Variants in LARP4B observed in about 807,000 individuals in gnomAD.
LARP4B encodes the protein La ribonucleoprotein 4B.
LARP4B carries 12 observed loss-of-function variants against 89.8 expected under a neutral mutation model. The ratio of observed to expected loss-of-function variants is 0.13; its 90% CI spans 0.09 to 0.22. The LOEUF (loss-of-function observed/expected upper bound fraction) is 0.22. LARP4B is among the 10% of genes least tolerant of loss of function. The pLI is 1.00. For missense variants in LARP4B, 757 were observed against 947.7 expected (o/e 0.80, Z 2.64); for synonymous variants, 367 against 363.3 (o/e 1.01, Z -0.12).
intron 1 of LARP4B, among the ~76,000 whole-genome samples, chr10:913,039 T>C (rs1486830568): frequency 2.6e-5 from 4 of 151,656 alleles, no homozygotes; most frequent in Admixed American, 6.6e-5. Flanking sequence ...CTTTGCTTGA[T>C]GCTTTTCCTG....
At chr10:976,716 G>T in the LARP4B span, among the ~76,000 whole-genome samples, 1 of 146,372 alleles carries the variant, frequency 6.8e-6, no homozygotes, top group Non-Finnish European at 1.5e-5. Context: ...GGCCTGTCAT[G>T]TAATGTGTGG....
At chr10:870,266 T>C (rs1225272110) in intron 3 of LARP4B, among the ~76,000 whole-genome samples, 2 of 152,106 alleles carry the variant, frequency 1.3e-5, no homozygotes, top group East Asian at 1.9e-4. Flanking sequence ...CATCGGGTAA[T>C]AGGAAAATTC....
chr10:837,308 C>T (rs1315013144), intron 7 of LARP4B, among the ~76,000 whole-genome samples: 1 of 152,182 alleles, frequency 6.6e-6, no homozygotes, highest in Non-Finnish European at 1.5e-5. Flanking sequence ...CTGCAAAACA[C>T]TGCCAAAAGA....
In LARP4B at chr10:907,279, A is replaced by T. The variant is rs563165408; in HGVS notation, c.-39-21519T>A. 2.0e-4 allele frequency among the ~76,000 whole-genome samples: 30 copies of T among 152,368 alleles called. No individual in the cohort carries two copies. In the South Asian group the frequency reaches 6.2e-3, roughly 32 times the overall value. On this transcript the variant is annotated intron_variant, in intron 1 of 17. Coordinates refer to ENST00000316157, the MANE Select transcript of LARP4B (RefSeq NM_015155.3). Reference sequence around the variant, plus strand: ...TATCTTGTGGCAACAAATGTGGGAAAAATTAACTAGCATTTAAAATATGAA... The same window carrying T: ...TATCTTGTGGCAACAAATGTGGGAATAATTAACTAGCATTTAAAATATGAA...
the LARP4B span, among the ~76,000 whole-genome samples, chr10:943,780 C>T: frequency 6.6e-6 from 1 of 150,816 alleles, no homozygotes; most frequent in South Asian, 2.1e-4. Flanking sequence ...GGGCCCGGGT[C>T]GGGAGGGCCC....
In LARP4B at chr10:812,949, T is replaced by C. The variant is rs1264856491; in HGVS notation, c.2194A>G (p.Thr732Ala). The C allele has an allele frequency of 7.7e-6, 12 of 1,549,406 alleles. 1 individual carries two copies. In the South Asian group the frequency reaches 9.9e-5, roughly 13 times the overall value. The change falls in exon 18 of 18, where the codon ACT becomes GCT. Residue 732 changes from threonine (T) to alanine (A), a missense_variant. Around this residue, in one of 5 missense-constraint regions of LARP4B, gnomAD observed 387 missense variants for 423.6 expected, o/e 0.91. Transcript: ENST00000316157. ...MGKRLSREQS[T>A]PPKSPQ is the part of the protein sequence containing the mutation. ...TTTCACTGAGGAGACTTGGGGGGAG[T>C]GCTCTGCTCTCGGCTGAGACGCTTC...
intron 1 of LARP4B, among the ~76,000 whole-genome samples, chr10:912,189 G>C (rs959660917): frequency 7.2e-5 from 11 of 152,020 alleles, no homozygotes; most frequent in Non-Finnish European, 1.5e-5. Flanking sequence ...TAAAGATGTA[G>C]ATCAAGGGTG....
At chr10:897,941 T>A (rs573318061) in intron 1 of LARP4B, among the ~76,000 whole-genome samples, 1 of 124,890 alleles carries the variant, frequency 8.0e-6, no homozygotes, top group South Asian at 2.6e-4. Context: ...TGAGCCAAGA[T>A]CACGCCACTG....
At chr10:983,596 G>C in the LARP4B span, among the ~76,000 whole-genome samples, 1 of 152,156 alleles carries the variant, frequency 6.6e-6, no homozygotes, top group Admixed American at 6.5e-5. Flanking sequence ...GGTCGGGGAA[G>C]CCTGGGAGCA....
intron 3 of LARP4B, among the ~76,000 whole-genome samples, chr10:865,335 A>G (rs1003873333): frequency 6.6e-6 from 1 of 152,104 alleles, no homozygotes; most frequent in African/African-American, 2.4e-5. Context: ...TACCAAGCTC[A>G]TCGGCCATCA....
At chr10:823,450 G>C (rs1255264733) in intron 13 of LARP4B, among the ~76,000 whole-genome samples, 1 of 152,178 alleles carries the variant, frequency 6.6e-6, no homozygotes, top group Non-Finnish European at 1.5e-5. Context: ...TCGTCAGCAA[G>C]CTTTGGACTC....
At chr10:838,226 CT>C (rs1833332132) in intron 7 of LARP4B, among the ~76,000 whole-genome samples, 1 of 152,054 alleles carries the variant, frequency 6.6e-6, no homozygotes, top group Admixed American at 6.6e-5. Flanking sequence ...GGCCTTGGGT[CT>C]GACAATAACT....
chr10:985,809 ATCAACGGAGTTCCACAG>A, the LARP4B span: 1 of 152,248 alleles, frequency 6.6e-6, no homozygotes, highest in East Asian at 1.9e-4. Context: ...CCAACATTCA[ATCAACGGAGTTCCACAG>A]TCACTGTGAA....
At chr10:881,661 T>A (rs893652242) in intron 3 of LARP4B, among the ~76,000 whole-genome samples, 1 of 152,218 alleles carries the variant, frequency 6.6e-6, no homozygotes, top group Non-Finnish European at 1.5e-5. Context: ...TCAAAATCAG[T>A]AGATCCTTAT....
Position 829,528 on chromosome 10 carries a change from C to T in LARP4B, c.982G>A (p.Asp328Asn). 2 of 1,614,126 alleles carry T rather than the reference C, an allele frequency of 1.2e-6. No individual in the cohort carries two copies. Among genetic ancestry groups the T allele is most frequent in the Non-Finnish European group, 1.7e-6 (2 of 1,180,026 alleles). Residue 328 changes from aspartate (D) to asparagine (N), a missense_variant, in exon 11 of 18, where the codon GAC becomes AAC. Asp to Asn is a conservative substitution (Grantham distance 23, BLOSUM62 1). Around this residue, in one of 5 missense-constraint regions of LARP4B, gnomAD observed 137 missense variants for 213.9 expected, o/e 0.64. Coordinates refer to ENST00000316157, the MANE Select transcript of LARP4B (RefSeq NM_015155.3). ...CGCTGCTGGGCATACAGGCTCACGT[C>T]CAGGGGTCTAAATCCATTCTTTGGC... is the stretch of plus-strand genomic sequence containing the variant. ...FLPKNGFRPL[D>N]VSLYAQQRYA... is the part of the protein sequence containing the mutation.
intron 1 of LARP4B, among the ~76,000 whole-genome samples, chr10:921,235 T>C (rs538343276): frequency 1.1e-3 from 163 of 151,418 alleles, no homozygotes; most frequent in African/African-American, 3.8e-3. Flanking sequence ...ATCGCACCAT[T>C]GCACTCCAGC....
intron 5 of LARP4B, among the ~76,000 whole-genome samples, chr10:862,341 G>A (rs1321064593): frequency 6.7e-6 from 1 of 148,600 alleles, no homozygotes; most frequent in Non-Finnish European, 1.5e-5. Context: ...GACTTTGACA[G>A]TCTTAAGCCA....
intron 1 of LARP4B, among the ~76,000 whole-genome samples, chr10:889,677 A>C (rs1229443393): frequency 6.6e-6 from 1 of 152,174 alleles, no homozygotes; most frequent in Non-Finnish European, 1.5e-5. Context: ...TTCCCAAACA[A>C]CGTAAGAAGT....
In LARP4B at chr10:864,224, C is replaced by A; in HGVS notation, c.188G>T (p.Trp63Leu). 6.2e-7 allele frequency: 1 copy of A among 1,614,194 alleles called. No individual in the cohort carries two copies. ...VSELNPNAEV[W>L]GAPVLHLEAS... ...TTCCAGATGTAACACAGGAGCCCCC[C>A]ACACTTCTGCATTAGGGTTCAGCTC... The change falls in exon 4 of 18, where the codon TGG becomes TTG. Residue 63 changes from tryptophan (W) to leucine (L), a missense_variant. By Grantham distance (61) the Trp-to-Leu change is moderately conservative. Coordinates refer to ENST00000316157, the MANE Select transcript of LARP4B (RefSeq NM_015155.3).
Sources: gnomAD v4.1 joint callset for allele counts (sites outside exome capture counted in the v4.1 genomes callset) on GRCh38, gnomAD v4.1.1 for gene constraint, gnomAD v4.1.1 regional missense constraint, MANE v1.5 for transcripts, NCBI Gene and HGNC (gene_info 2026-07-23, HGNC 2026-07-21) for gene names.